RRP36: variants seen among roughly 807,000 people sequenced by gnomAD.
RRP36 encodes the protein ribosomal RNA processing 36, also known as ribosomal RNA processing protein 36 homolog.
A neutral mutation model predicts 39.8 loss-of-function variants in RRP36; 44 were observed. That is an observed-to-expected ratio of 1.10 (90% CI 0.87 to 1.42). The LOEUF (loss-of-function observed/expected upper bound fraction) is 1.42. Among genes scored for constraint, RRP36 ranks in the 40% most tolerant of loss-of-function variants. The probability of loss-of-function intolerance (pLI) is 0.00; values close to 1 mark genes in which losing one functional copy is unlikely to be tolerated. For synonymous variants in RRP36, 124 were observed against 123.1 expected (o/e 1.01, Z -0.05); for missense variants, 316 against 322.4 (o/e 0.98, Z 0.15).
chr6:43,027,158 A>G lies in RRP36; in HGVS notation c.451-20A>G, dbSNP rs1323927691. On this transcript the variant is annotated intron_variant, in intron 4 of 6. Transcript: ENST00000244496. ...ACATTTGCAGAATGCTAACCATGAT[A>G]CTCATTTTCCAATGTGGAGCTTGTG... 10 of 1,610,874 alleles carry G rather than the reference A, an allele frequency of 6.2e-6. No homozygotes were observed. The highest frequency in any genetic ancestry group is 1.3e-5 in the African/African-American group (1 of 74,850).
chr6:43,021,672 C>A lies in RRP36; in HGVS notation c.18C>A (p.Tyr6Ter), dbSNP rs769916609. The A allele has an allele frequency of 1.2e-5, 15 of 1,252,848 alleles. No individual in the cohort carries two copies. Among genetic ancestry groups the A allele is most frequent in the Admixed American group, 7.3e-5 (2 of 27,490 alleles). 77.6% of individuals were successfully genotyped at this position (1,252,848 alleles called of 1,614,324 possible). A position where few individuals can be genotyped will look rare whatever the true frequency, so the allele number is the denominator to read the frequency against. Residue 6 changes from tyrosine (Y) to a stop codon, truncating the protein, a stop_gained, in exon 1 of 7, where the codon TAC becomes TAA. Transcript: ENST00000244496. LOFTEE classifies it high-confidence loss of function. Reference sequence around the variant, plus strand: ...GCCAGCTGATGCCGGGAGCTAACTACCGCGCCGGGGCCGGGGCCGGGGCCG... The same window carrying A: ...GCCAGCTGATGCCGGGAGCTAACTAACGCGCCGGGGCCGGGGCCGGGGCCG... MPGAN[Y>*]RAGAGAGAGA...
At chr6:43,022,742 C>T (rs1415867795) in intron 1 of RRP36, among the ~76,000 whole-genome samples, 1 of 151,154 alleles carries the variant, frequency 6.6e-6, no homozygotes, top group African/African-American at 2.4e-5. Context: ...ACGCCATTCT[C>T]CTGCCTCAGC....
Position 43,024,986 on chromosome 6 carries a change from C to G in RRP36, c.132C>G (p.Gly44=), listed in dbSNP as rs59990489. 11,167 of 1,613,640 alleles carry G rather than the reference C, an allele frequency of 6.9e-3. 618 individuals carry two copies. The African/African-American group carries it at 0.12, about 18-fold the overall frequency. The change falls in exon 2 of 7, where the codon GGC becomes GGG. Residue 44 remains glycine (G), a splice_region_variant and synonymous_variant. Transcript: ENST00000244496. ...GTATGTCCCTCCCCACTTCCACAGG[C>G]ACATCTAACATGTCATTTGAGGAGC... is the stretch of plus-strand genomic sequence containing the variant. ...PAAVARDLLR[G]TSNMSFEELL...
intron 1 of RRP36, among the ~76,000 whole-genome samples, chr6:43,022,999 C>T (rs576259189): frequency 6.6e-6 from 1 of 152,328 alleles, no homozygotes; most frequent in Admixed American, 6.5e-5. Context: ...CCACCCGCCT[C>T]AGCCTCCCAA....
intron 4 of RRP36, among the ~76,000 whole-genome samples, chr6:43,026,905 T>TA (rs11415536): frequency 0.27 from 38,760 of 145,138 alleles, 7,446 homozygotes; most frequent in African/African-American, 0.55. Flanking sequence ...TCTACTAAAA[T>TA]AAAAAAAAAA....
Position 43,026,020 on chromosome 6 carries a change from C to T in RRP36, c.346-17C>T. ...ATTGAACAGTTGTGTTTTATATTCT[C>T]TCTCTTCTCTCCAAAGGTAGCCCGG... On this transcript the variant is annotated splice_polypyrimidine_tract_variant and intron_variant, in intron 3 of 6. Coordinates refer to ENST00000244496, the MANE Select transcript of RRP36 (RefSeq NM_033112.4). 1 of 1,574,170 alleles carries T rather than the reference C, an allele frequency of 6.4e-7. No individual in the cohort carries two copies. The highest frequency in any genetic ancestry group is 8.7e-7 in the Non-Finnish European group (1 of 1,144,472).
chr6:43,026,148 A>G lies in RRP36; in HGVS notation c.450+7A>G. On this transcript the variant is annotated splice_region_variant and intron_variant, in intron 4 of 6. Transcript: ENST00000244496. ...CCGAGCGAAAGAGAAAGAGGTATACAGCTTGAGACTGGTTTATGGGGAATT... is the reference window on the plus strand; with the variant it reads ...CCGAGCGAAAGAGAAAGAGGTATACGGCTTGAGACTGGTTTATGGGGAATT... The G allele has an allele frequency of 6.2e-7, 1 of 1,601,898 alleles. No homozygotes were observed. The highest frequency in any genetic ancestry group is 8.6e-7 in the Non-Finnish European group (1 of 1,169,328).
intron 1 of RRP36, among the ~76,000 whole-genome samples, chr6:43,024,195 G>A (rs536710033): frequency 1.3e-5 from 2 of 152,192 alleles, no homozygotes; most frequent in South Asian, 4.2e-4. Context: ...GACCTCTTTG[G>A]GAAGGTGATT....
intron 4 of RRP36, among the ~76,000 whole-genome samples, chr6:43,026,937 G>A (rs1443229846): frequency 1.3e-5 from 2 of 150,962 alleles, no homozygotes; most frequent in East Asian, 4.0e-4. Flanking sequence ...GTGGTGGCAC[G>A]TGCCTGTAGT....
chr6:43,021,926 A>C, intron 1 of RRP36, 142 bp downstream of exon 1: 1 of 534,922 alleles, frequency 1.9e-6, no homozygotes, highest in Non-Finnish European at 2.7e-6. Flanking sequence ...GTGCAGTGGA[A>C]AGTGGGGGGT....
chr6:43,025,982 TCAGTGAAA>T, intron 3 of RRP36, 47 bp from the exon 4 acceptor site: 1 of 1,332,212 alleles, frequency 7.5e-7, no homozygotes, highest in Admixed American at 1.9e-5. Flanking sequence ...GCACTTTTTC[TCAGTGAAA>T]GGAGATTGAA....
At position 43,025,117 on chromosome 6, in the gene RRP36, T is replaced by G; in HGVS notation, c.263T>G (p.Val88Gly). 6.2e-7 allele frequency: 1 copy of G among 1,614,194 alleles called. No individual in the cohort carries two copies. The highest frequency in any genetic ancestry group is 8.5e-7 in the Non-Finnish European group (1 of 1,180,032). The change falls in exon 2 of 7, where the codon GTT becomes GGT. Residue 88 changes from valine (V) to glycine (G), a missense_variant. Coordinates refer to ENST00000244496, the MANE Select transcript of RRP36 (RefSeq NM_033112.4). ...AGACCACCTATCCAAAATGCATGTGTTGCAGATAAGCACAGGTAAGCAAGG... is the reference window on the plus strand; with the variant it reads ...AGACCACCTATCCAAAATGCATGTGGTGCAGATAAGCACAGGTAAGCAAGG... ...ASRPPIQNACVADKHRPLEMS... is the reference protein window; with the variant it reads ...ASRPPIQNACGADKHRPLEMS...
At chr6:43,028,803 A>G (rs1049350864) in intron 6 of RRP36, among the ~76,000 whole-genome samples, 3 of 151,718 alleles carry the variant, frequency 2.0e-5, no homozygotes, top group African/African-American at 7.3e-5. Context: ...ATACAAAAAA[A>G]TTAGCCATAT....
At chr6:43,025,420 C>T in intron 3 of RRP36, 91 bp downstream of exon 3, 3 of 1,127,404 alleles carry the variant, frequency 2.7e-6, no homozygotes, top group Admixed American at 1.9e-5. Flanking sequence ...TCAGGAGTTC[C>T]AAGACCAGCA....
chr6:43,022,455 CCAGGCTGGAGTGTA>C (rs1302934999), intron 1 of RRP36, among the ~76,000 whole-genome samples: 1 of 151,902 alleles, frequency 6.6e-6, no homozygotes, highest in Non-Finnish European at 1.5e-5. Flanking sequence ...GCCCTGTAGC[CCAGGCTGGAGTGTA>C]GTTGCACCAT....
At position 43,029,567 on chromosome 6, in the gene RRP36, G is replaced by C. The variant is rs556068488; in HGVS notation, c.*339G>C. ...ACTCCCAGGGCTGGGACATTATGTAGGAGCCACTTCATAAACATTCTCTTT... is the reference window on the plus strand; with the variant it reads ...ACTCCCAGGGCTGGGACATTATGTACGAGCCACTTCATAAACATTCTCTTT... On this transcript the variant is annotated 3_prime_UTR_variant, in exon 7 of 7. Coordinates refer to ENST00000244496, the MANE Select transcript of RRP36 (RefSeq NM_033112.4). The C allele has an allele frequency of 2.3e-5, 5 of 215,852 alleles. No individual in the cohort carries two copies. The highest frequency in any genetic ancestry group is 2.8e-4 in the South Asian group (2 of 7,048). The allele number at this position is 215,852 out of a possible 1,614,324, so 13.4% of individuals were successfully genotyped here.
At position 43,027,388 on chromosome 6, in the gene RRP36, G is replaced by A. The variant is rs117415551; in HGVS notation, c.554G>A (p.Arg185Gln). 1.3e-4 allele frequency: 203 copies of A among 1,614,224 alleles called. No homozygotes were observed. The East Asian group carries it at 3.9e-3, about 31-fold the overall frequency. Residue 185 changes from arginine to glutamine, a missense_variant, in exon 6 of 7, where the codon CGA becomes CAA. By Grantham distance (43) the Arg-to-Gln change is conservative. Transcript: ENST00000244496. The part of the protein sequence containing the change: ...MEQQEMAQQE[R>Q]KQQQELHLAL... Reference sequence around the variant, plus strand: ...CAGCAAGAAATGGCACAGCAGGAACGAAAGCAACAGCAGGAGCTGCACCTG... The same window carrying A: ...CAGCAAGAAATGGCACAGCAGGAACAAAAGCAACAGCAGGAGCTGCACCTG...
chr6:43,027,155 G>T, intron 4 of RRP36, 23 bp from the exon 5 acceptor site: 4 of 1,610,206 alleles, frequency 2.5e-6, no homozygotes, highest in Non-Finnish European at 3.4e-6. Context: ...TGCTAACCAT[G>T]ATACTCATTT....
chr6:43,027,717 C>G (rs537474914), intron 6 of RRP36, among the ~76,000 whole-genome samples: 1 of 129,900 alleles, frequency 7.7e-6, no homozygotes, highest in Non-Finnish European at 1.7e-5. Context: ...TCCCAACCCC[C>G]CCCCCCCAAC....
Sources: gnomAD v4.1 joint callset for allele counts (sites outside exome capture counted in the v4.1 genomes callset) on GRCh38, gnomAD v4.1.1 for gene constraint, MANE v1.5 for transcripts, NCBI Gene and HGNC (gene_info 2026-07-23, HGNC 2026-07-21) for gene names.